Variants in PIWIL2 observed in about 807,000 individuals in gnomAD.
The protein encoded by PIWIL2 is piwi like RNA-mediated gene silencing 2, also known as piwi-like protein 2.
Under a neutral mutation model 116.5 loss-of-function variants are expected in PIWIL2, and 81 were observed. That is an observed-to-expected ratio of 0.70 (90% CI 0.58 to 0.84). PIWIL2 has a LOEUF of 0.84. PIWIL2 is among the 40% of genes least tolerant of loss of function. The pLI is 0.00. For synonymous variants in PIWIL2, 489 were observed against 429.5 expected (o/e 1.14, Z -1.71); for missense variants, 1,272 against 1,212.3 (o/e 1.05, Z -0.73).
At position 22,352,884 on chromosome 8, in the gene PIWIL2, C is replaced by T. The variant is rs1832404246; in HGVS notation, c.2404-75C>T. 10 of 1,429,130 alleles carry T rather than the reference C, an allele frequency of 7.0e-6. No homozygotes were observed. The South Asian group carries it at 1.0e-4, about 15-fold the overall frequency. The allele number at this position is 1,429,130 out of a possible 1,614,324, so 88.5% of individuals were successfully genotyped here. A position where few individuals can be genotyped will look rare whatever the true frequency, so the allele number is the denominator to read the frequency against. ...TGCCATGATTCCAGGCTACACAATG[C>T]GAGTGGGCCTCTCACTGACTGTGGT... is the stretch of plus-strand genomic sequence containing the variant. On this transcript the variant is annotated intron_variant, in intron 20 of 22. Transcript: ENST00000356766.
chr8:22,291,762 T>C (rs921128109), intron 10 of PIWIL2, among the ~76,000 whole-genome samples: 3 of 152,148 alleles, frequency 2.0e-5, no homozygotes, highest in Non-Finnish European at 2.9e-5. Flanking sequence ...GCTCCAGTTA[T>C]GAACCAGAGT....
chr8:22,311,066 G>T, intron 15 of PIWIL2, 46 bp from the exon 16 acceptor site: 1 of 1,459,718 alleles, frequency 6.9e-7, no homozygotes, highest in Non-Finnish European at 9.4e-7. Context: ...ATGAGTTTGG[G>T]ATATTTAAAT....
At chr8:22,310,924 A>G (rs1428744652) in intron 15 of PIWIL2, among the ~76,000 whole-genome samples, 188 bp from the exon 16 acceptor site, 2 of 152,180 alleles carry the variant, frequency 1.3e-5, no homozygotes, top group East Asian at 1.9e-4. Context: ...TCATTACTGT[A>G]TAACATTCCA....
chr8:22,352,395 G>C (rs1435982220), intron 20 of PIWIL2, among the ~76,000 whole-genome samples: 8 of 152,174 alleles, frequency 5.3e-5, no homozygotes, highest in African/African-American at 1.4e-4. Flanking sequence ...TAATTACTTA[G>C]TTACAGTAAA....
intron 13 of PIWIL2, among the ~76,000 whole-genome samples, chr8:22,307,472 CAT>C (rs1491408466): frequency 1.8e-4 from 13 of 73,034 alleles, no homozygotes; most frequent in African/African-American, 4.8e-4. Context: ...TTTTATTATT[CAT>C]TTTTTTTTTT....
chr8:22,348,625 G>A (rs1832281702), intron 20 of PIWIL2, among the ~76,000 whole-genome samples: 1 of 152,190 alleles, frequency 6.6e-6, no homozygotes, highest in Admixed American at 6.5e-5. Context: ...AAAAAAATTA[G>A]CCGGGCTTGA....
intron 20 of PIWIL2, among the ~76,000 whole-genome samples, chr8:22,350,104 C>T (rs1450057782): frequency 6.6e-6 from 1 of 152,158 alleles, no homozygotes; most frequent in Non-Finnish European, 1.5e-5. Context: ...CTGCAGTGCA[C>T]AGGACAGCCC....
intron 10 of PIWIL2, among the ~76,000 whole-genome samples, chr8:22,299,652 A>G (rs1019063565): frequency 6.6e-6 from 1 of 152,158 alleles, no homozygotes; most frequent in Non-Finnish European, 1.5e-5. Flanking sequence ...ATCCGTAAAA[A>G]ACCCACACAC....
chr8:22,331,019 A>T (rs1831849483), intron 20 of PIWIL2, among the ~76,000 whole-genome samples: 1 of 151,986 alleles, frequency 6.6e-6, no homozygotes, highest in Non-Finnish European at 1.5e-5. Flanking sequence ...TACCAAAAAT[A>T]GAAAAAATTA....
chr8:22,302,958 C>A (rs571618309), intron 10 of PIWIL2, among the ~76,000 whole-genome samples: 1 of 152,212 alleles, frequency 6.6e-6, no homozygotes, highest in Non-Finnish European at 1.5e-5. Context: ...TTGCTTTTCT[C>A]CATTGCCACT....
intron 7 of PIWIL2, among the ~76,000 whole-genome samples, chr8:22,288,237 G>T (rs956056721): frequency 4.0e-5 from 6 of 148,528 alleles, no homozygotes; most frequent in Non-Finnish European, 7.4e-5. Flanking sequence ...GGCGGAGCCT[G>T]CAGTGAGCCG....
At chr8:22,315,959 T>G (rs568576346) in intron 18 of PIWIL2, among the ~76,000 whole-genome samples, 2 of 152,324 alleles carry the variant, frequency 1.3e-5, no homozygotes, top group South Asian at 4.1e-4. Flanking sequence ...CAAAAGCTTT[T>G]CAGATTTGGG....
At chr8:22,352,855 G>T in intron 20 of PIWIL2, 104 bp from the exon 21 acceptor site, 3 of 1,173,092 alleles carry the variant, frequency 2.6e-6, no homozygotes, top group South Asian at 3.2e-5. Context: ...ACTGCAAAAG[G>T]ATCTGCCATG....
intron 2 of PIWIL2, among the ~76,000 whole-genome samples, 173 bp from the exon 3 acceptor site, chr8:22,280,947 G>T (rs1395841097): frequency 6.6e-6 from 1 of 152,158 alleles, no homozygotes; most frequent in Non-Finnish European, 1.5e-5. Context: ...TGTGCTTTAA[G>T]ACCTAATATT....
At chr8:22,302,448 G>A (rs1350540426) in intron 10 of PIWIL2, among the ~76,000 whole-genome samples, 4 of 152,000 alleles carry the variant, frequency 2.6e-5, no homozygotes, top group African/African-American at 9.7e-5. Flanking sequence ...CAAAGTGCTG[G>A]GATTACAGGT....
intron 6 of PIWIL2, among the ~76,000 whole-genome samples, chr8:22,286,161 A>G (rs1563350708): frequency 6.6e-6 from 1 of 152,228 alleles, no homozygotes; most frequent in Non-Finnish European, 1.5e-5. Context: ...GCCACAGGAA[A>G]AAAAGCAACT....
intron 20 of PIWIL2, among the ~76,000 whole-genome samples, chr8:22,337,318 A>G (rs780958774): frequency 1.3e-5 from 2 of 152,200 alleles, no homozygotes; most frequent in Non-Finnish European, 2.9e-5. Context: ...AAGATACAAG[A>G]TCAGTATATA....
chr8:22,306,287 C>CA (rs2132034406), intron 13 of PIWIL2, among the ~76,000 whole-genome samples: 1 of 152,364 alleles, frequency 6.6e-6, no homozygotes, highest in East Asian at 1.9e-4. Context: ...AAGAAACAAA[C>CA]AACTCTGTCT....
At chr8:22,331,003 C>T (rs1831849057) in intron 20 of PIWIL2, among the ~76,000 whole-genome samples, 1 of 151,928 alleles carries the variant, frequency 6.6e-6, no homozygotes, top group Non-Finnish European at 1.5e-5. Flanking sequence ...GGTGAAACCC[C>T]GTCTCTACCA....
Sources: gnomAD v4.1 joint callset for allele counts (sites outside exome capture counted in the v4.1 genomes callset) on GRCh38, gnomAD v4.1.1 for gene constraint, MANE v1.5 for transcripts, NCBI Gene and HGNC (gene_info 2026-07-23, HGNC 2026-07-21) for gene names.